Variants in DISP3 observed in about 807,000 individuals in gnomAD.
The protein encoded by DISP3 is protein dispatched homolog 3.
Under a neutral mutation model 135.3 loss-of-function variants are expected in DISP3, and 101 were observed. The ratio of observed to expected loss-of-function variants is 0.75; its 90% CI spans 0.64 to 0.88. DISP3 has a LOEUF of 0.88. Ranked by LOEUF, DISP3 falls within the 40% of genes least tolerant of loss-of-function variation. The pLI, the probability that DISP3 is intolerant of heterozygous loss-of-function variation, is 0.00. For synonymous variants in DISP3, 856 were observed against 817.0 expected, an observed-to-expected ratio of 1.05 and a Z score of -0.81; for missense variants, 1,713 against 1,878.6, an observed-to-expected ratio of 0.91 and a Z score of 1.63.
rs557767518 is a variant in DISP3 at position 11,526,976 on chromosome 1, G to T, written c.2798+141G>T. ...TTTTTTTTCTTACTCTGTTGCCCAG[G>T]CTGGAGTGCAGTGGCACAATCTTGG... On this transcript the variant is annotated intron_variant, in intron 13 of 20. Coordinates refer to ENST00000294484, the MANE Select transcript of DISP3 (RefSeq NM_020780.2). 1.3e-3 allele frequency: 1,402 copies of T among 1,077,858 alleles called. 29 individuals are homozygous for T. In the South Asian group the frequency reaches 0.022, roughly 17 times the overall value. The allele number at this position is 1,077,858 out of a possible 1,614,324, so 66.8% of individuals were successfully genotyped here. A position where few individuals can be genotyped will look rare whatever the true frequency, so the allele number is the denominator to read the frequency against.
chr1:11,479,800 G>A (rs1372970458), intron 1 of DISP3, among the ~76,000 whole-genome samples: 5 of 152,362 alleles, frequency 3.3e-5, no homozygotes, highest in Non-Finnish European at 7.3e-5. Flanking sequence ...GCGGAGGGAG[G>A]GGACAGAGTA....
intron 11 of DISP3, among the ~76,000 whole-genome samples, chr1:11,524,283 C>T (rs1570135478): frequency 1.3e-5 from 2 of 151,996 alleles, no homozygotes; most frequent in African/African-American, 4.8e-5. Flanking sequence ...CCCCCAGAGC[C>T]TCCCTGTGCA....
chr1:11,530,888 T>C lies in DISP3; in HGVS notation c.3103-19T>C, dbSNP rs557311392. On this transcript the variant is annotated intron_variant, in intron 15 of 20. Transcript: ENST00000294484. ...GTCTCACTGAGCGGCCCGGGCCGGCTTGTTTCTCCTTGGGAAAGGGTAGTG... is the reference window on the plus strand; with the variant it reads ...GTCTCACTGAGCGGCCCGGGCCGGCCTGTTTCTCCTTGGGAAAGGGTAGTG... 9.3e-6 allele frequency: 15 copies of C among 1,613,008 alleles called. No homozygotes were observed. In the African/African-American group the frequency reaches 2.0e-4, roughly 22 times the overall value.
In DISP3 at chr1:11,501,746, G is replaced by C. The variant is rs769943366; in HGVS notation, c.754G>C (p.Gly252Arg). 3.8e-6 allele frequency: 6 copies of C among 1,591,864 alleles called. No homozygotes were observed. The highest frequency in any genetic ancestry group is 5.1e-6 in the Non-Finnish European group (6 of 1,167,452). Residue 252 changes from glycine (G) to arginine (R), a missense_variant, in exon 2 of 21, where the codon GGC becomes CGC. Around this residue, in one of 2 missense-constraint regions of DISP3, gnomAD observed 571 missense variants for 494.1 expected, o/e 1.16. Transcript: ENST00000294484. The surrounding 1 kb of genome is among the most constrained non-coding windows in gnomAD (Gnocchi z 4.9). ...GGCCAATCAGAGCCGTGCCCGCCGA[G>C]GCGCCTCGCGCTGGGACTACTCGCG... ...VAANQSRARR[G>R]ASRWDYSRAY... is the part of the protein sequence containing the mutation.
At chr1:11,522,627 G>GGACCC (rs1557615026) in intron 10 of DISP3, among the ~76,000 whole-genome samples, 4 of 51,710 alleles carry the variant, frequency 7.7e-5, no homozygotes, top group South Asian at 6.2e-4. Flanking sequence ...GACCCAGCCA[G>GGACCC]AGCCCAGCCA....
rs144738930 is a variant in DISP3, at chr1:11,498,436, GAC to G, written c.-3-2552_-3-2551del. On this transcript the variant is annotated intron_variant, in intron 1 of 20. Transcript: ENST00000294484. ...TGATCTCTCTGCATGGGCTAGTTTG[GAC>G]ATTCTCGTAACACAGTGGCTGATCC... Among the ~76,000 whole-genome samples the G allele has an allele frequency of 6.0e-3, 912 of 152,272 alleles. 8 individuals carry two copies. Among genetic ancestry groups the G allele is most frequent in the African/African-American group, 0.021 (879 of 41,544 alleles).
At chr1:11,494,933 T>G (rs917887350) in intron 1 of DISP3, among the ~76,000 whole-genome samples, 3 of 152,092 alleles carry the variant, frequency 2.0e-5, no homozygotes, top group Non-Finnish European at 4.4e-5. Flanking sequence ...CTGGCATGGG[T>G]TCACATCCCT....
chr1:11,534,450 C>T lies in DISP3; in HGVS notation c.3445C>T (p.Gln1149Ter), dbSNP rs1642654833. The T allele has an allele frequency of 1.2e-6, 2 of 1,614,102 alleles. No individual in the cohort carries two copies. The highest frequency in any genetic ancestry group is 1.7e-6 in the Non-Finnish European group (2 of 1,180,048). The change falls in exon 18 of 21, where the codon CAG becomes TAG. Residue 1149 changes from glutamine (Q) to a stop codon, truncating the protein, a stop_gained. Transcript: ENST00000294484. LOFTEE classifies it high-confidence loss of function. ...DYLRWESFLQ[Q>*]QLQALPEGSV... is the part of the protein sequence containing the mutation. ...CCTGCGCTGGGAGAGCTTCCTCCAG[C>T]AGCAGCTGCAGGCCTTGCCCGAGGG...
rs760828789 is a variant in DISP3 at position 11,502,850 on chromosome 1, G to A, written c.1269G>A (p.Gln423=). ...GGGAGGAACAACGGGCTAAGTTTCA[G>A]AGCTTCGTGGTCACCTACGTGGCCA... ...DRWEEQRAKF[Q]SFVVTYVAML... Residue 423 remains glutamine, a synonymous_variant, in exon 3 of 21, where the codon CAG becomes CAA. Coordinates refer to ENST00000294484, the MANE Select transcript of DISP3 (RefSeq NM_020780.2). 1.2e-6 allele frequency: 2 copies of A among 1,614,200 alleles called. No individual in the cohort carries two copies. Among genetic ancestry groups the A allele is most frequent in the South Asian group, 2.2e-5 (2 of 91,082 alleles).
chr1:11,527,581 T>C (rs933462909), intron 13 of DISP3, among the ~76,000 whole-genome samples: 8 of 149,918 alleles, frequency 5.3e-5, no homozygotes, highest in African/African-American at 1.7e-4. Context: ...GAAACTGCTG[T>C]CCATTTCCAC....
chr1:11,494,081 T>C (rs1641263437), intron 1 of DISP3, among the ~76,000 whole-genome samples: 1 of 152,240 alleles, frequency 6.6e-6, no homozygotes, highest in East Asian at 1.9e-4. Flanking sequence ...GAGCCTGGGC[T>C]TTAGGATCAA....
rs1363823542 is a variant in DISP3, at chr1:11,491,805, A to G, written c.-3-9185A>G. Among the ~76,000 whole-genome samples, 1 of 152,174 alleles carries G rather than the reference A, an allele frequency of 6.6e-6. No individual in the cohort carries two copies. Among genetic ancestry groups the G allele is most frequent in the Non-Finnish European group, 1.5e-5 (1 of 68,036 alleles). ...TGGGGACCTGCCTACAGCAGGGGCC[A>G]GTCCTGGGCTCTGGCTGGCTAAGAA... On this transcript the variant is annotated intron_variant, in intron 1 of 20. Transcript: ENST00000294484. This position sits in a 1 kb window ranked among gnomAD's most constrained non-coding sequence, Gnocchi z 4.3.
rs1425648929 is a variant in DISP3, at chr1:11,501,462, A to C, written c.470A>C (p.Gln157Pro). 1 of 1,603,076 alleles carries C rather than the reference A, an allele frequency of 6.2e-7. No individual in the cohort carries two copies. The highest frequency in any genetic ancestry group is 8.5e-7 in the Non-Finnish European group (1 of 1,175,292). The stretch of plus-strand genomic sequence containing the variant: ...CAGCGCCTTATCTCAGAGCAGCTGC[A>C]GCAGCTGCATCTCGGCAACCGCTCG... ...TLQRLISEQL[Q>P]QLHLGNRSRQ... The change falls in exon 2 of 21, where the codon CAG (glutamine) becomes CCG (proline). Residue 157 changes from glutamine to proline, a missense_variant. By Grantham distance (76) the Gln-to-Pro change is moderately conservative. This residue lies in a region of DISP3 where 571 missense variants were observed against 494.1 expected (regional missense o/e 1.16). Transcript: ENST00000294484. The surrounding 1 kb of genome is among the most constrained non-coding windows in gnomAD (Gnocchi z 4.9).
intron 1 of DISP3, among the ~76,000 whole-genome samples, chr1:11,486,941 T>C (rs954211883): frequency 1.3e-5 from 2 of 152,212 alleles, no homozygotes; most frequent in Non-Finnish European, 2.9e-5. Context: ...GGCCTCCCAC[T>C]GTGCTGGGGT....
At position 11,534,483 on chromosome 1, in the gene DISP3, C is replaced by T. The variant is rs987426114; in HGVS notation, c.3478C>T (p.Leu1160=). The change falls in exon 18 of 21, where the codon CTG becomes TTG. Residue 1160 remains leucine, a synonymous_variant. Coordinates refer to ENST00000294484, the MANE Select transcript of DISP3 (RefSeq NM_020780.2). ...GCAGGCCTTGCCCGAGGGCTCAGTC[C>T]TGCGCCGGGGCTTCCAGACCTGCGA... The part of the protein sequence containing the change: ...QLQALPEGSV[L]RRGFQTCEHW... 19 of 1,614,090 alleles carry T rather than the reference C, an allele frequency of 1.2e-5. No individual in the cohort carries two copies. The highest frequency in any genetic ancestry group is 1.6e-5 in the Non-Finnish European group (19 of 1,180,030).
Position 11,531,482 on chromosome 1 carries a change from T to G in DISP3, c.3230-83T>G. The G allele has an allele frequency of 1.3e-6, 2 of 1,582,482 alleles. No individual in the cohort carries two copies. The highest frequency in any genetic ancestry group is 1.7e-6 in the Non-Finnish European group (2 of 1,154,168). On this transcript the variant is annotated intron_variant, in intron 16 of 20. Transcript: ENST00000294484. The surrounding 1 kb of genome is among the most constrained non-coding windows in gnomAD (Gnocchi z 5.2). ...AAGCACTCTAAGCCTCAGAGGTATGTGAGTGCGTGGGCACAGGTGTGATGC... is the reference window on the plus strand; with the variant it reads ...AAGCACTCTAAGCCTCAGAGGTATGGGAGTGCGTGGGCACAGGTGTGATGC...
At chr1:11,523,696 GT>G (rs1456522243) in intron 10 of DISP3, among the ~76,000 whole-genome samples, 2 of 152,090 alleles carry the variant, frequency 1.3e-5, no homozygotes, top group African/African-American at 4.8e-5. Context: ...AGCAGGGAGC[GT>G]TTCAGTGTTT....
Position 11,523,911 on chromosome 1 carries a change from C to T in DISP3, c.2363-31C>T, listed in dbSNP as rs548654340. 1.4e-5 allele frequency: 22 copies of T among 1,574,760 alleles called. No homozygotes were observed. The East Asian group carries it at 3.1e-4, about 22-fold the overall frequency. On this transcript the variant is annotated intron_variant, in intron 10 of 20. Transcript: ENST00000294484. ...GCCCAGGCCAGGATGTCCTGCTGTC[C>T]TGCTGTCCTTGACATGGCGCTGGGG...
At chr1:11,495,587 TCTC>T (rs919559724) in intron 1 of DISP3, among the ~76,000 whole-genome samples, 1 of 152,138 alleles carries the variant, frequency 6.6e-6, no homozygotes, top group Non-Finnish European at 1.5e-5. Context: ...GTTAGTCCCT[TCTC>T]CTTGACTGGA....
Sources: allele counts gnomAD v4.1 joint callset (sites outside exome capture counted in the v4.1 genomes callset), GRCh38; gene constraint gnomAD v4.1.1; regional missense constraint gnomAD v4.1.1; non-coding constraint Gnocchi (gnomAD v3.1); transcripts MANE v1.5; gene names NCBI Gene and HGNC (gene_info 2026-07-23, HGNC 2026-07-21).